VWC2L: variants seen among roughly 807,000 people sequenced by gnomAD.
VWC2L encodes von Willebrand factor C domain containing 2 like, also known as von Willebrand factor C domain-containing protein 2-like.
In VWC2L, 10 loss-of-function variants were observed where a neutral mutation model predicts 21.6. The ratio of observed to expected loss-of-function variants is 0.46; its 90% confidence interval spans 0.29 to 0.78. The LOEUF (loss-of-function observed/expected upper bound fraction) is 0.78, where lower values mean the gene tolerates loss of function less well. Among genes scored for constraint, VWC2L ranks in the 30% least tolerant of loss-of-function variants. The pLI is 0.10. For synonymous variants in VWC2L, 96 were observed against 94.3 expected (o/e 1.02, Z -0.10); for missense variants, 209 against 277.1 (o/e 0.75, Z 1.74).
intron 2 of VWC2L, among the ~76,000 whole-genome samples, chr2:214,423,078 T>C (rs988792136): frequency 3.3e-5 from 5 of 152,194 alleles, no homozygotes; most frequent in Non-Finnish European, 5.9e-5. Context: ...AGAAGGTTTT[T>C]TTTAATTAAA....
intron 3 of VWC2L, among the ~76,000 whole-genome samples, chr2:214,481,453 T>C (rs796736856): frequency 6.6e-6 from 1 of 152,224 alleles, no homozygotes; most frequent in Non-Finnish European, 1.5e-5. Context: ...TCTTGAAATC[T>C]GAGCTCTTTA....
chr2:214,549,587 A>G (rs1689760964), intron 3 of VWC2L, among the ~76,000 whole-genome samples: 1 of 152,220 alleles, frequency 6.6e-6, no homozygotes, highest in South Asian at 2.1e-4. Context: ...AGCCTGGCCA[A>G]CATGGTGAAA....
intron 3 of VWC2L, among the ~76,000 whole-genome samples, chr2:214,437,166 T>G (rs1416499274): frequency 6.6e-6 from 1 of 152,156 alleles, no homozygotes. Flanking sequence ...GTTTTGAATG[T>G]AGATAAGACC....
chr2:214,524,747 C>T (rs932496063), intron 3 of VWC2L, among the ~76,000 whole-genome samples: 2 of 152,032 alleles, frequency 1.3e-5, no homozygotes, highest in Non-Finnish European at 2.9e-5. Flanking sequence ...TCACTAATGC[C>T]CTCGTCTCTT....
At chr2:214,467,487 T>C (rs908466337) in intron 3 of VWC2L, among the ~76,000 whole-genome samples, 3 of 152,232 alleles carry the variant, frequency 2.0e-5, no homozygotes, top group African/African-American at 7.2e-5. Flanking sequence ...GGGGCAATCA[T>C]AGGGCTCCAT....
At chr2:214,524,713 C>G (rs911614652) in intron 3 of VWC2L, among the ~76,000 whole-genome samples, 1 of 152,034 alleles carries the variant, frequency 6.6e-6, no homozygotes, top group Non-Finnish European at 1.5e-5. Flanking sequence ...TTGATGATGC[C>G]GCATCAATGC....
At chr2:214,556,640 T>A (rs1234430795) in intron 3 of VWC2L, among the ~76,000 whole-genome samples, 1 of 152,148 alleles carries the variant, frequency 6.6e-6, no homozygotes, top group Admixed American at 6.5e-5. Context: ...AGCTCGGTAA[T>A]GTTATTCATT....
At chr2:214,566,863 C>T (rs970933689) in intron 3 of VWC2L, among the ~76,000 whole-genome samples, 1 of 152,042 alleles carries the variant, frequency 6.6e-6, no homozygotes, top group African/African-American at 2.4e-5. Flanking sequence ...GATCAGAAAT[C>T]CTATTTGATT....
At chr2:214,439,278 A>G (rs945481526) in intron 3 of VWC2L, among the ~76,000 whole-genome samples, 1 of 152,026 alleles carries the variant, frequency 6.6e-6, no homozygotes, top group Non-Finnish European at 1.5e-5. Context: ...GGAAAAATAA[A>G]TGTTTATTAT....
intron 2 of VWC2L, among the ~76,000 whole-genome samples, chr2:214,422,007 A>C (rs1702450367): frequency 6.9e-6 from 1 of 145,220 alleles, no homozygotes; most frequent in African/African-American, 2.6e-5. Flanking sequence ...CTCCTGCCTC[A>C]GCCTCCCATG....
intron 2 of VWC2L, among the ~76,000 whole-genome samples, chr2:214,418,199 C>T (rs1471556880): frequency 6.6e-6 from 1 of 152,206 alleles, no homozygotes; most frequent in East Asian, 1.9e-4. Context: ...GTTCCCACGG[C>T]CTGCTATACA....
intron 3 of VWC2L, among the ~76,000 whole-genome samples, chr2:214,453,039 T>G (rs1446265790): frequency 6.6e-6 from 1 of 152,214 alleles, no homozygotes; most frequent in Non-Finnish European, 1.5e-5. Flanking sequence ...TTTCATCCCT[T>G]TCACAATGTC....
At chr2:214,531,134 T>TC (rs1689427893) in intron 3 of VWC2L, among the ~76,000 whole-genome samples, 1 of 152,146 alleles carries the variant, frequency 6.6e-6, no homozygotes, top group Admixed American at 6.6e-5. Flanking sequence ...AAGTGGCTAT[T>TC]CCCCCAAGGA....
intron 3 of VWC2L, among the ~76,000 whole-genome samples, chr2:214,559,367 C>A (rs1334826073): frequency 6.6e-6 from 1 of 152,026 alleles, no homozygotes; most frequent in East Asian, 1.9e-4. Context: ...TCTGTCTCTA[C>A]TTTTATCTTT....
intron 2 of VWC2L, among the ~76,000 whole-genome samples, chr2:214,418,740 GT>G (rs2126170645): frequency 6.6e-6 from 1 of 152,248 alleles, no homozygotes; most frequent in South Asian, 2.1e-4. Context: ...GAATGATTTA[GT>G]TTCTGTTTAT....
chr2:214,418,905 C>T (rs541927219), intron 2 of VWC2L, among the ~76,000 whole-genome samples: 5 of 152,156 alleles, frequency 3.3e-5, no homozygotes, highest in Non-Finnish European at 7.4e-5. Context: ...CCTTCCTCAC[C>T]AAGGGTTGTC....
At chr2:214,508,539 C>A (rs1306907520) in intron 3 of VWC2L, among the ~76,000 whole-genome samples, 3 of 152,328 alleles carry the variant, frequency 2.0e-5, no homozygotes, top group East Asian at 1.9e-4. Context: ...TTTTCACTAA[C>A]AACCAAGTAG....
intron 3 of VWC2L, among the ~76,000 whole-genome samples, chr2:214,504,620 G>A (rs1688942249): frequency 6.6e-6 from 1 of 152,196 alleles, no homozygotes; most frequent in Non-Finnish European, 1.5e-5. Context: ...TCGTACCCCA[G>A]TATAAATAGG....
intron 2 of VWC2L, among the ~76,000 whole-genome samples, chr2:214,431,181 G>A (rs907913225): frequency 2.0e-5 from 3 of 152,216 alleles, no homozygotes; most frequent in African/African-American, 7.2e-5. Flanking sequence ...ATATTTTAAT[G>A]AAGTGAACAG....
Sources: gnomAD v4.1 joint callset for allele counts (sites outside exome capture counted in the v4.1 genomes callset) on GRCh38, gnomAD v4.1.1 for gene constraint, MANE v1.5 for transcripts, NCBI Gene and HGNC (gene_info 2026-07-23, HGNC 2026-07-21) for gene names.